Variants in DDX42 observed in about 807,000 individuals in gnomAD.
DDX42 encodes DEAD-box helicase 42, also known as ATP-dependent RNA helicase DDX42.
DDX42 carries 22 observed loss-of-function variants against 101.5 expected under a neutral mutation model. The observed-to-expected ratio is 0.22, with a 90% CI of 0.15 to 0.31. The LOEUF is 0.31. DDX42 is among the 10% of genes least tolerant of loss of function. The pLI, the probability that DDX42 is intolerant of heterozygous loss-of-function variation, is 1.00. For missense variants in DDX42, 849 were observed against 1,199.9 expected (o/e 0.71, Z 4.32); for synonymous variants, 402 against 401.2 (o/e 1.00, Z -0.02).
At chr17:63,792,750 T>C (rs1206405186) in intron 3 of DDX42, among the ~76,000 whole-genome samples, 188 bp downstream of exon 3, 5 of 152,170 alleles carry the variant, frequency 3.3e-5, no homozygotes, top group Non-Finnish European at 7.3e-5. Flanking sequence ...TTGCAATGAT[T>C]GGTGGCTAGA....
At chr17:63,797,809 A>C (rs1413449903) in intron 3 of DDX42, among the ~76,000 whole-genome samples, 1 of 152,200 alleles carries the variant, frequency 6.6e-6, no homozygotes, top group Admixed American at 6.5e-5. Context: ...TCATTTTTCC[A>C]TGTGTGGCAC....
In DDX42 at chr17:63,816,884, A is replaced by G; in HGVS notation, c.2030A>G (p.Asn677Ser). 2 of 1,612,530 alleles carry G rather than the reference A, an allele frequency of 1.2e-6. No individual in the cohort carries two copies. Among genetic ancestry groups the G allele is most frequent in the East Asian group, 2.2e-5 (1 of 44,848 alleles). The part of the protein sequence containing the change: ...GSENMDRGNN[N>S]VMSNYEAYKP... ...TTTTTTTAGGATCGAGGAAATAACAATGTAATGAGCAATTATGAGGCCTAC... is the reference window on the plus strand; with the variant it reads ...TTTTTTTAGGATCGAGGAAATAACAGTGTAATGAGCAATTATGAGGCCTAC... Residue 677 changes from asparagine (N) to serine (S), a missense_variant, in exon 17 of 18, where the codon AAT becomes AGT. Coordinates refer to ENST00000389924, the MANE Select transcript of DDX42 (RefSeq NM_203499.3).
rs3834577 is a variant in DDX42, at chr17:63,774,243, T to TGGC, written c.-136_-134dup. 1.4e-4 allele frequency: 35 copies of TGGC among 244,352 alleles called. 7 individuals are homozygous for TGGC. Among genetic ancestry groups the TGGC allele is most frequent in the East Asian group, 4.7e-4 (7 of 14,878 alleles). 15.1% of individuals were successfully genotyped at this position (244,352 alleles called of 1,614,324 possible). A position where few individuals can be genotyped will look rare whatever the true frequency, so the allele number is the denominator to read the frequency against. ...GCGGTGGCGGCGGCGGTGGTGGTGG[T>TGGC]GGCGGCGGCGGCGGCGAAGGGGGCG... On this transcript the variant is annotated 5_prime_UTR_variant, in exon 1 of 18. Coordinates refer to ENST00000389924, the MANE Select transcript of DDX42 (RefSeq NM_203499.3).
intron 17 of DDX42, chr17:63,817,402 T>TG: frequency 3.0e-6 from 1 of 337,806 alleles, no homozygotes; most frequent in Non-Finnish European, 5.4e-6. Context: ...TTTCAGAACT[T>TG]TTTGGTTTTG....
At chr17:63,815,221 A>T (rs2039962330) in intron 15 of DDX42, among the ~76,000 whole-genome samples, 1 of 152,230 alleles carries the variant, frequency 6.6e-6, no homozygotes, top group Non-Finnish European at 1.5e-5. Context: ...GGTTTGAGAA[A>T]TAAAATATAA....
Position 63,787,083 on chromosome 17 carries a change from C to A in DDX42, c.34C>A (p.Arg12=). 1 of 1,614,166 alleles carries A rather than the reference C, an allele frequency of 6.2e-7. No individual in the cohort carries two copies. The highest frequency in any genetic ancestry group is 8.5e-7 in the Non-Finnish European group (1 of 1,180,032). The change falls in exon 2 of 18, where the codon CGA becomes AGA. Residue 12 remains arginine, a synonymous_variant. Transcript: ENST00000389924. ...GAATAAAGGTGGTCCTGGCACTAAG[C>A]GAGGATTTGGCTTTGGAGGTTTTGC... ...NWNKGGPGTK[R]GFGFGGFAIS...
At chr17:63,779,245 A>G (rs2039457924) in intron 1 of DDX42, among the ~76,000 whole-genome samples, 1 of 152,048 alleles carries the variant, frequency 6.6e-6, no homozygotes, top group African/African-American at 2.4e-5. Flanking sequence ...AATTTCCCCA[A>G]GTGTGTTTTT....
chr17:63,782,694 T>C (rs1009982852), intron 1 of DDX42, among the ~76,000 whole-genome samples: 2 of 152,204 alleles, frequency 1.3e-5, no homozygotes, highest in Admixed American at 1.3e-4. Context: ...GGTGCTTTCT[T>C]AGTTCAGAAT....
chr17:63,796,723 A>T (rs1727648574), intron 3 of DDX42, among the ~76,000 whole-genome samples: 1 of 152,220 alleles, frequency 6.6e-6, no homozygotes, highest in African/African-American at 2.4e-5. Flanking sequence ...CTTAAACAAT[A>T]TGTTCTACCA....
At chr17:63,802,148 G>A (rs920503185) in intron 6 of DDX42, among the ~76,000 whole-genome samples, 8 of 152,110 alleles carry the variant, frequency 5.3e-5, no homozygotes. Context: ...AACTGTTCTA[G>A]TAGGCGTATT....
chr17:63,779,655 A>G (rs1598320360), intron 1 of DDX42, among the ~76,000 whole-genome samples: 1 of 152,154 alleles, frequency 6.6e-6, no homozygotes, highest in South Asian at 2.1e-4. Context: ...CCATTAAACA[A>G]TAACACCCTA....
At chr17:63,777,435 C>T (rs1418874912) in intron 1 of DDX42, among the ~76,000 whole-genome samples, 1 of 151,474 alleles carries the variant, frequency 6.6e-6, no homozygotes, top group Non-Finnish European at 1.5e-5. Context: ...AAGGAGATGC[C>T]ATTTCTTTTT....
intron 2 of DDX42, among the ~76,000 whole-genome samples, chr17:63,789,076 ATTCTTTTTTTT>A (rs201793690): frequency 0.011 from 1,710 of 150,904 alleles, 27 homozygotes; most frequent in African/African-American, 0.04. Context: ...CTAATTTTTT[ATTCTTTTTTTT>A]TTCTTTTTTG....
intron 8 of DDX42, among the ~76,000 whole-genome samples, chr17:63,807,142 TG>T (rs1251742643): frequency 6.6e-6 from 1 of 152,186 alleles, no homozygotes; most frequent in African/African-American, 2.4e-5. Context: ...GTTTTGTTTT[TG>T]TTTTTGTTTT....
At chr17:63,791,023 G>A (rs1239261804) in intron 2 of DDX42, among the ~76,000 whole-genome samples, 1 of 152,240 alleles carries the variant, frequency 6.6e-6, no homozygotes, top group Admixed American at 6.5e-5. Context: ...ATGTATGCAT[G>A]TGTGTATATA....
intron 6 of DDX42, among the ~76,000 whole-genome samples, chr17:63,801,064 T>TC (rs2039762593): frequency 6.6e-6 from 1 of 151,128 alleles, no homozygotes; most frequent in Non-Finnish European, 1.5e-5. Context: ...TTTCTTCTTT[T>TC]TCTCTCTCTC....
intron 15 of DDX42, 142 bp downstream of exon 15, chr17:63,813,596 T>TG (rs770143542): frequency 2.3e-4 from 148 of 643,750 alleles, no homozygotes; most frequent in South Asian, 1.0e-3. Context: ...AGATAGGAAT[T>TG]GTGAGATACT....
chr17:63,776,358 C>T (rs1461164137), intron 1 of DDX42: 1 of 152,410 alleles, frequency 6.6e-6, no homozygotes, highest in Non-Finnish European at 1.5e-5. Flanking sequence ...TTTCATCTTT[C>T]TGTGCCTAGC....
chr17:63,812,628 A>G (rs931936758), intron 14 of DDX42, among the ~76,000 whole-genome samples: 2 of 152,184 alleles, frequency 1.3e-5, no homozygotes, highest in African/African-American at 4.8e-5. Flanking sequence ...TTAAACACTG[A>G]TATTTTTTCC....
Sources: gnomAD v4.1 joint callset for allele counts (sites outside exome capture counted in the v4.1 genomes callset) on GRCh38, gnomAD v4.1.1 for gene constraint, MANE v1.5 for transcripts, NCBI Gene and HGNC (gene_info 2026-07-23, HGNC 2026-07-21) for gene names.